The following SNX13 variants were observed in gnomAD, a reference collection of about 807,000 sequenced individuals.
SNX13 encodes the protein sorting nexin 13.
Under a neutral mutation model 133.6 loss-of-function variants are expected in SNX13, and 45 were observed. The ratio of observed to expected loss-of-function variants is 0.34; its 90% CI spans 0.27 to 0.43. The LOEUF (loss-of-function observed/expected upper bound fraction) is 0.43. SNX13 is among the 20% of genes least tolerant of loss of function. The pLI is 1.00. For missense variants in SNX13, 1,032 were observed against 1,145.1 expected (o/e 0.90, Z 1.43); for synonymous variants, 414 against 373.9 (o/e 1.11, Z -1.24).
intron 9 of SNX13, among the ~76,000 whole-genome samples, chr7:17,865,651 T>C (rs1281057601): frequency 6.6e-6 from 1 of 152,116 alleles, no homozygotes; most frequent in African/African-American, 2.4e-5. Flanking sequence ...TATTAATATA[T>C]GGAACCACAA....
At chr7:17,909,566 A>G (rs977405125) in intron 1 of SNX13, among the ~76,000 whole-genome samples, 6 of 152,266 alleles carry the variant, frequency 3.9e-5, no homozygotes, top group African/African-American at 1.2e-4. Context: ...TTGTAGGGAC[A>G]TGGGTCGAGC....
At chr7:17,905,596 C>T (rs1323116995) in intron 1 of SNX13, among the ~76,000 whole-genome samples, 1 of 152,080 alleles carries the variant, frequency 6.6e-6, no homozygotes, top group African/African-American at 2.4e-5. Flanking sequence ...TAGTACTACC[C>T]AAAACCAGTT....
At chr7:17,798,359 C>T (rs1784278511) in intron 24 of SNX13, among the ~76,000 whole-genome samples, 1 of 151,796 alleles carries the variant, frequency 6.6e-6, no homozygotes, top group Non-Finnish European at 1.5e-5. Flanking sequence ...CTGAGAAAAA[C>T]TAATCCCCAA....
intron 17 of SNX13, among the ~76,000 whole-genome samples, chr7:17,824,612 ATT>A (rs541871910): frequency 6.9e-6 from 1 of 145,392 alleles, no homozygotes; most frequent in Non-Finnish European, 1.5e-5. Context: ...TCACCCAGCT[ATT>A]TTTTTTTTTT....
At chr7:17,884,419 G>A (rs1371049247) in intron 5 of SNX13, among the ~76,000 whole-genome samples, 1 of 152,112 alleles carries the variant, frequency 6.6e-6, no homozygotes, top group African/African-American at 2.4e-5. Flanking sequence ...TAATTTATTT[G>A]CCATTTTTCT....
intron 20 of SNX13, among the ~76,000 whole-genome samples, chr7:17,807,562 C>A (rs1785459352): frequency 6.6e-6 from 1 of 152,230 alleles, no homozygotes; most frequent in African/African-American, 2.4e-5. Flanking sequence ...AACGTTCCTG[C>A]CTGCTGGCTC....
intron 1 of SNX13, among the ~76,000 whole-genome samples, chr7:17,910,883 G>A (rs973584870): frequency 9.9e-5 from 15 of 152,112 alleles, no homozygotes; most frequent in South Asian, 2.1e-4. Flanking sequence ...TGACTGCCAC[G>A]GGCTGGGGCG....
chr7:17,861,938 T>C (rs1792755653), intron 9 of SNX13, among the ~76,000 whole-genome samples: 1 of 152,208 alleles, frequency 6.6e-6, no homozygotes, highest in Admixed American at 6.5e-5. Context: ...AGTCTCTTTT[T>C]ATGCCTCACA....
chr7:17,840,245 T>C (rs1055087417), intron 12 of SNX13, among the ~76,000 whole-genome samples: 2 of 152,082 alleles, frequency 1.3e-5, no homozygotes, highest in African/African-American at 4.8e-5. Flanking sequence ...CTTTTCATAA[T>C]AAAATCTCTA....
intron 9 of SNX13, among the ~76,000 whole-genome samples, chr7:17,857,213 G>A (rs1413109989): frequency 6.6e-6 from 1 of 152,138 alleles, no homozygotes. Context: ...GAACAGTCCA[G>A]TAACGAGTAA....
intron 1 of SNX13, among the ~76,000 whole-genome samples, chr7:17,921,474 C>T (rs554420415): frequency 6.8e-4 from 104 of 152,300 alleles, no homozygotes; most frequent in African/African-American, 2.5e-3. Context: ...GACAACTTCA[C>T]TATTTTTGCT....
At chr7:17,797,630 A>T (rs1211682908) in intron 24 of SNX13, among the ~76,000 whole-genome samples, 2 of 151,814 alleles carry the variant, frequency 1.3e-5, no homozygotes, top group African/African-American at 4.8e-5. Flanking sequence ...CTTCATGTTC[A>T]GGCCTTTCAT....
chr7:17,818,565 C>T (rs1171970648), intron 18 of SNX13, among the ~76,000 whole-genome samples: 1 of 152,070 alleles, frequency 6.6e-6, no homozygotes, highest in Non-Finnish European at 1.5e-5. Flanking sequence ...ACGAACAAAA[C>T]AATTGCCCAT....
intron 5 of SNX13, among the ~76,000 whole-genome samples, chr7:17,887,265 A>T (rs1222892615): frequency 1.3e-5 from 2 of 152,178 alleles, no homozygotes; most frequent in African/African-American, 2.4e-5. Context: ...CGATACACTA[A>T]AACTTAACAG....
At chr7:17,890,733 T>C (rs896315095) in intron 4 of SNX13, among the ~76,000 whole-genome samples, 6 of 151,706 alleles carry the variant, frequency 4.0e-5, no homozygotes, top group African/African-American at 9.7e-5. Flanking sequence ...AATAAAACAC[T>C]ATCTATGGCC....
At chr7:17,920,683 A>G (rs1335987573) in intron 1 of SNX13, among the ~76,000 whole-genome samples, 1 of 152,206 alleles carries the variant, frequency 6.6e-6, no homozygotes, top group Non-Finnish European at 1.5e-5. Flanking sequence ...TACCGTTTAT[A>G]CTTTAATCTA....
intron 21 of SNX13, among the ~76,000 whole-genome samples, chr7:17,802,147 CA>C (rs1454719043): frequency 2.6e-5 from 4 of 151,872 alleles, no homozygotes; most frequent in African/African-American, 9.7e-5. Context: ...AGCCTAGGAG[CA>C]ATAGGCAATA....
chr7:17,850,900 C>A lies in SNX13; in HGVS notation c.902G>T (p.Gly301Val), dbSNP rs1254900524. 6.2e-7 allele frequency: 1 copy of A among 1,612,202 alleles called. No individual in the cohort carries two copies. Among genetic ancestry groups the A allele is most frequent in the Admixed American group, 1.7e-5 (1 of 59,720 alleles). ...CTTATCTCTGACTGCTTCTAGCTCT[C>A]CAATATTGTCACTCAATTTAATAAT... ...MNIIKLSDNI[G>V]ELEAVRDKAA... The change falls in exon 10 of 26, where the codon GGA (glycine) becomes GTA (valine). Residue 301 changes from glycine to valine, a missense_variant. By Grantham distance (109) the Gly-to-Val change is moderately radical (BLOSUM62 -3). Coordinates refer to ENST00000428135, the MANE Select transcript of SNX13 (RefSeq NM_015132.5).
chr7:17,821,312 T>A (rs1045264715), intron 18 of SNX13, among the ~76,000 whole-genome samples, 197 bp downstream of exon 18: 2 of 152,210 alleles, frequency 1.3e-5, no homozygotes, highest in Non-Finnish European at 2.9e-5. Context: ...TAGTCCATGA[T>A]GGTTAGGACT....
Sources: gnomAD v4.1 joint callset for allele counts (sites outside exome capture counted in the v4.1 genomes callset) on GRCh38, gnomAD v4.1.1 for gene constraint, MANE v1.5 for transcripts, NCBI Gene and HGNC (gene_info 2026-07-23, HGNC 2026-07-21) for gene names.